Variants in FBLN1 observed in about 807,000 individuals in gnomAD.
The protein encoded by FBLN1 is fibulin 1, also known as fibulin-1.
Under a neutral mutation model 89.7 loss-of-function variants are expected in FBLN1, and 34 were observed. The ratio of observed to expected loss-of-function variants is 0.38; its 90% confidence interval spans 0.29 to 0.50. The LOEUF (loss-of-function observed/expected upper bound fraction) is 0.50, where lower values mean the gene tolerates loss of function less well. FBLN1 is among the 20% of genes least tolerant of loss of function. The probability of loss-of-function intolerance (pLI) is 0.92; values close to 1 mark genes in which losing one functional copy is unlikely to be tolerated. For missense variants in FBLN1, 777 were observed against 988.1 expected, an observed-to-expected ratio of 0.79 and a Z score of 2.86; for synonymous variants, 393 against 391.3, an observed-to-expected ratio of 1.00 and a Z score of -0.05.
Position 45,600,727 on chromosome 22 carries a change from T to G in FBLN1, c.*281T>G, listed in dbSNP as rs972952488. On this transcript the variant is annotated 3_prime_UTR_variant, in exon 17 of 17. Coordinates refer to ENST00000327858, the MANE Select transcript of FBLN1 (RefSeq NM_006486.3). Reference sequence around the variant, plus strand: ...CCTTTCTCTGCCTCTGGCTGGGCCTTGCTAAGGGCCAAGGAAAGAAAGACA... The same window carrying G: ...CCTTTCTCTGCCTCTGGCTGGGCCTGGCTAAGGGCCAAGGAAAGAAAGACA... 1 of 483,374 alleles carries G rather than the reference T, an allele frequency of 2.1e-6. No individual in the cohort carries two copies. Among genetic ancestry groups the G allele is most frequent in the Non-Finnish European group, 3.8e-6 (1 of 264,152 alleles). The allele number at this position is 483,374 out of a possible 1,614,324, so 29.9% of individuals were successfully genotyped here.
Position 45,555,407 on chromosome 22 carries a change from C to G in FBLN1, c.1697+4792C>G, listed in dbSNP as rs73173328. Reference sequence around the variant, plus strand: ...CAGGCTGAGGAACAAGGAGAGCAGTCTGAGTCCCAAAAATGAAGAAAAAAT... The same window carrying G: ...CAGGCTGAGGAACAAGGAGAGCAGTGTGAGTCCCAAAAATGAAGAAAAAAT... On this transcript the variant is annotated intron_variant, in intron 14 of 16. Transcript: ENST00000327858. Among the ~76,000 whole-genome samples, 543 of 152,054 alleles carry G rather than the reference C, an allele frequency of 3.6e-3. 3 individuals are homozygous for G. Among genetic ancestry groups the G allele is most frequent in the Non-Finnish European group, 6.8e-3 (462 of 67,996 alleles).
chr22:45,592,123 G>A (rs9626171), intron 16 of FBLN1, among the ~76,000 whole-genome samples: 27,656 of 121,158 alleles, frequency 0.23, 7,809 homozygotes, highest in African/African-American at 0.63. Flanking sequence ...GATCTGGAAG[G>A]TGCTACTAGT....
At chr22:45,548,862 G>A in intron 13 of FBLN1, 118 bp downstream of exon 13, 1 of 1,493,848 alleles carries the variant, frequency 6.7e-7, no homozygotes, top group East Asian at 2.4e-5. Context: ...CAGCACAGAT[G>A]GAATGCATTC....
chr22:45,503,039 C>G lies in FBLN1; in HGVS notation c.54C>G (p.Gly18=), dbSNP rs745713017. 25 of 1,249,096 alleles carry G rather than the reference C, an allele frequency of 2.0e-5. No individual in the cohort carries two copies. Among genetic ancestry groups the G allele is most frequent in the Non-Finnish European group, 2.5e-5 (25 of 997,128 alleles). The allele number at this position is 1,249,096 out of a possible 1,614,324, so 77.4% of individuals were successfully genotyped here. A position where few individuals can be genotyped will look rare whatever the true frequency, so the allele number is the denominator to read the frequency against. The part of the protein sequence containing the change: ...RRVPLPLLLL[G]GLALLAAGVD... The stretch of plus-strand genomic sequence containing the variant: ...TCCCGCTTCCGCTGCTGCTGCTCGG[C>G]GGCCTTGCGCTGCTGGCGGCCGGAG... The change falls in exon 1 of 17, where the codon GGC becomes GGG. Residue 18 remains glycine (G), a synonymous_variant. Transcript: ENST00000327858.
At chr22:45,554,206 C>T (rs2088746480) in intron 14 of FBLN1, among the ~76,000 whole-genome samples, 1 of 152,230 alleles carries the variant, frequency 6.6e-6, no homozygotes, top group Non-Finnish European at 1.5e-5. Context: ...TGCTTGCAGC[C>T]TGCTCCCTGC....
chr22:45,595,334 C>A (rs371637262), intron 16 of FBLN1, among the ~76,000 whole-genome samples: 5 of 152,212 alleles, frequency 3.3e-5, no homozygotes, highest in Admixed American at 6.5e-5. Flanking sequence ...CCTTGAGCGC[C>A]TGCTGTGTGC....
intron 1 of FBLN1, among the ~76,000 whole-genome samples, chr22:45,509,553 C>T (rs1166529770): frequency 6.6e-6 from 1 of 151,820 alleles, no homozygotes; most frequent in Non-Finnish European, 1.5e-5. Flanking sequence ...ACGAGTCTGT[C>T]CTCATCCTGG....
chr22:45,512,861 G>A (rs1184096869), intron 1 of FBLN1, among the ~76,000 whole-genome samples: 2 of 152,162 alleles, frequency 1.3e-5, no homozygotes, highest in African/African-American at 2.4e-5. Context: ...GGGCTCAAGC[G>A]ATCCTCCCAC....
Position 45,590,655 on chromosome 22 carries a change from T to G in FBLN1, c.1973-9652T>G, listed in dbSNP as rs2089128486. ...CGACGAGGCCGGAACTGAGGCCAGG[T>G]GGGGTTGTGGGGAGAGAAGGGAGGA... On this transcript the variant is annotated intron_variant, in intron 16 of 16. Coordinates refer to ENST00000327858, the MANE Select transcript of FBLN1 (RefSeq NM_006486.3). The surrounding 1 kb of genome is among the most constrained non-coding windows in gnomAD (Gnocchi z 4.1). Among the ~76,000 whole-genome samples the G allele has an allele frequency of 6.6e-6, 1 of 151,594 alleles. No individual in the cohort carries two copies. The highest frequency in any genetic ancestry group is 2.4e-5 in the African/African-American group (1 of 41,218).
chr22:45,554,437 G>A (rs2088751441), intron 14 of FBLN1, among the ~76,000 whole-genome samples: 1 of 152,182 alleles, frequency 6.6e-6, no homozygotes, highest in Non-Finnish European at 1.5e-5. Context: ...TCTGTTTTGG[G>A]CCCCTCCCAG....
intron 1 of FBLN1, chr22:45,518,450 T>G: frequency 3.4e-6 from 2 of 586,364 alleles, no homozygotes; most frequent in East Asian, 3.0e-5. Flanking sequence ...CCAAGCTGGA[T>G]TCAGATGGGG....
At position 45,552,688 on chromosome 22, in the gene FBLN1, T is replaced by C. The variant is rs560136537; in HGVS notation, c.1697+2073T>C. On this transcript the variant is annotated intron_variant, in intron 14 of 16. Coordinates refer to ENST00000327858, the MANE Select transcript of FBLN1 (RefSeq NM_006486.3). ...GACTGCAGAGTCCGCTGCTGTGCCT[T>C]TCTCTCTCTCTCCACTCAGACGGCT... Among the ~76,000 whole-genome samples the C allele has an allele frequency of 8.5e-5, 13 of 152,122 alleles. No homozygotes were observed. In the East Asian group the frequency reaches 2.5e-3, roughly 29 times the overall value.
rs2088690844 is a variant in FBLN1 at position 45,550,683 on chromosome 22, T to G, written c.1697+68T>G. 3 of 1,610,698 alleles carry G rather than the reference T, an allele frequency of 1.9e-6. No homozygotes were observed. Among genetic ancestry groups the G allele is most frequent in the Non-Finnish European group, 2.5e-6 (3 of 1,177,840 alleles). On this transcript the variant is annotated intron_variant, in intron 14 of 16. Transcript: ENST00000327858. The surrounding 1 kb of genome is among the most constrained non-coding windows in gnomAD (Gnocchi z 8.4). ...CCTTCCTGGTGACCCAGTTCCCGGG[T>G]GGGTGGGTTATCAGGCTGTGACCTC...
rs1168556711 is a variant in FBLN1 at position 45,583,234 on chromosome 22, C to G, written c.1972+6126C>G. ...GTTGTCCCCCAAGCCCCTCAGCCCC[C>G]CAGGCAGCTCTAAGGGCTCAGCTGC... is the stretch of plus-strand genomic sequence containing the variant. On this transcript the variant is annotated intron_variant, in intron 16 of 16. Transcript: ENST00000327858. This position sits in a 1 kb window ranked among gnomAD's most constrained non-coding sequence, Gnocchi z 4.5. 6.6e-6 allele frequency among the ~76,000 whole-genome samples: 1 copy of G among 152,174 alleles called. No individual in the cohort carries two copies. Among genetic ancestry groups the G allele is most frequent in the East Asian group, 1.9e-4 (1 of 5,200 alleles).
At position 45,588,693 on chromosome 22, in the gene FBLN1, G is replaced by C. The variant is rs1203674777; in HGVS notation, c.1972+11585G>C. Among the ~76,000 whole-genome samples, 3 of 152,076 alleles carry C rather than the reference G, an allele frequency of 2.0e-5. No individual in the cohort carries two copies. Among genetic ancestry groups the C allele is most frequent in the Non-Finnish European group, 4.4e-5 (3 of 68,030 alleles). ...CAGGAATGATTTGTGACCCTCTTAG[G>C]CTGCTGGTCTGCACCTTCTGAAAAG... On this transcript the variant is annotated intron_variant, in intron 16 of 16. Transcript: ENST00000327858. The surrounding 1 kb of genome is among the most constrained non-coding windows in gnomAD (Gnocchi z 5.1).
intron 10 of FBLN1, 143 bp from the exon 11 acceptor site, chr22:45,543,258 T>C: frequency 2.9e-6 from 3 of 1,017,932 alleles, no homozygotes; most frequent in Non-Finnish European, 4.4e-6. Flanking sequence ...AGAGCGAGAC[T>C]CCATCTCAAA....
intron 14 of FBLN1, among the ~76,000 whole-genome samples, chr22:45,551,984 G>C (rs1368796137): frequency 6.6e-6 from 1 of 152,244 alleles, no homozygotes; most frequent in Non-Finnish European, 1.5e-5. Flanking sequence ...GCCTGAGGGT[G>C]GGCGGGTTGG....
At position 45,579,059 on chromosome 22, in the gene FBLN1, C is replaced by T. The variant is rs543492815; in HGVS notation, c.1972+1951C>T. Among the ~76,000 whole-genome samples the T allele has an allele frequency of 1.3e-5, 2 of 152,312 alleles. No individual in the cohort carries two copies. The highest frequency in any genetic ancestry group is 2.1e-4 in the South Asian group (1 of 4,826). ...AGGGGAAGTCTCCTGGCAGGTTTTACGTCTTTAGTTCCCACCTACATCCTT... is the reference window on the plus strand; with the variant it reads ...AGGGGAAGTCTCCTGGCAGGTTTTATGTCTTTAGTTCCCACCTACATCCTT... On this transcript the variant is annotated intron_variant, in intron 16 of 16. Coordinates refer to ENST00000327858, the MANE Select transcript of FBLN1 (RefSeq NM_006486.3). The surrounding 1 kb of genome is among the most constrained non-coding windows in gnomAD (Gnocchi z 5.5).
chr22:45,596,838 A>T (rs2089191589), intron 16 of FBLN1, among the ~76,000 whole-genome samples: 1 of 144,000 alleles, frequency 6.9e-6, no homozygotes, highest in Admixed American at 6.9e-5. Flanking sequence ...AATTATATAA[A>T]TTTATATGTA....
Sources: allele counts gnomAD v4.1 joint callset (sites outside exome capture counted in the v4.1 genomes callset), GRCh38; gene constraint gnomAD v4.1.1; non-coding constraint Gnocchi (gnomAD v3.1); transcripts MANE v1.5; gene names NCBI Gene and HGNC (gene_info 2026-07-23, HGNC 2026-07-21).